Variants in NXPH1 observed in about 807,000 individuals in gnomAD.
NXPH1 encodes neurexophilin 1.
Under a neutral mutation model 23.7 loss-of-function variants are expected in NXPH1, and 5 were observed. The ratio of observed to expected loss-of-function variants is 0.21; its 90% CI spans 0.11 to 0.44. The LOEUF is 0.44. NXPH1 is among the 20% of genes least tolerant of loss of function. The pLI, the probability that NXPH1 is intolerant of heterozygous loss-of-function variation, is 0.99. For missense variants in NXPH1, 324 were observed against 321.6 expected (o/e 1.01, Z -0.06); for synonymous variants, 144 against 122.2 (o/e 1.18, Z -1.18).
chr7:8,538,545 A>G (rs1818063993), intron 2 of NXPH1, among the ~76,000 whole-genome samples: 1 of 151,922 alleles, frequency 6.6e-6, no homozygotes, highest in Admixed American at 6.6e-5. Context: ...GAGATGTAGT[A>G]AGGATAAAAG....
chr7:8,674,893 C>T (rs1820925088), intron 2 of NXPH1, among the ~76,000 whole-genome samples: 2 of 152,118 alleles, frequency 1.3e-5, no homozygotes, highest in African/African-American at 4.8e-5. Flanking sequence ...GAAACCGAGG[C>T]CAGTATTTCA....
chr7:8,458,803 A>G (rs961429303), intron 2 of NXPH1, among the ~76,000 whole-genome samples: 2 of 152,226 alleles, frequency 1.3e-5, no homozygotes, highest in African/African-American at 4.8e-5. Context: ...CCATAACTTC[A>G]TAGAGTAGGA....
At chr7:8,506,824 C>T (rs899453520) in intron 2 of NXPH1, among the ~76,000 whole-genome samples, 42 of 151,970 alleles carry the variant, frequency 2.8e-4, no homozygotes, top group African/African-American at 8.2e-4. Flanking sequence ...TGAACAAATG[C>T]TAGGGTAGCT....
intron 2 of NXPH1, among the ~76,000 whole-genome samples, chr7:8,721,124 T>G (rs60258870): frequency 0.15 from 23,348 of 152,182 alleles, 2,259 homozygotes; most frequent in East Asian, 0.34. Flanking sequence ...ATAGTTCTAC[T>G]GTGGTTACAT....
chr7:8,493,169 C>T (rs1563326475), intron 2 of NXPH1, among the ~76,000 whole-genome samples: 1 of 151,812 alleles, frequency 6.6e-6, no homozygotes, highest in Non-Finnish European at 1.5e-5. Context: ...TTGCCATTGC[C>T]AGGGTTATAT....
intron 2 of NXPH1, among the ~76,000 whole-genome samples, chr7:8,458,320 C>A (rs888179855): frequency 2.0e-5 from 3 of 152,182 alleles, no homozygotes; most frequent in Non-Finnish European, 2.9e-5. Context: ...GGGAAGGAAA[C>A]AACCCACAGA....
intron 2 of NXPH1, among the ~76,000 whole-genome samples, chr7:8,616,124 C>T (rs867830860): frequency 1.3e-5 from 2 of 151,922 alleles, no homozygotes; most frequent in Non-Finnish European, 2.9e-5. Context: ...TTTATAGACC[C>T]CTATGTGATT....
rs112424975 is a variant in NXPH1, at chr7:8,442,553, T to G, written c.54+6786T>G. ...TAGACCCCGTCCTCACACATTGACT[T>G]TAAAAGGCCATTTTCCTTCGTCTTC... is the stretch of plus-strand genomic sequence containing the variant. On this transcript the variant is annotated intron_variant, in intron 2 of 2. Transcript: ENST00000405863. The surrounding 1 kb of genome is among the most constrained non-coding windows in gnomAD (Gnocchi z 4.6). 0.014 allele frequency among the ~76,000 whole-genome samples: 2,130 copies of G among 152,322 alleles called. 20 individuals are homozygous for G. Among genetic ancestry groups the G allele is most frequent in the Non-Finnish European group, 0.024 (1,618 of 68,012 alleles).
chr7:8,570,149 A>G (rs1180373294), intron 2 of NXPH1, among the ~76,000 whole-genome samples: 1 of 151,884 alleles, frequency 6.6e-6, no homozygotes, highest in Non-Finnish European at 1.5e-5. Context: ...ACTTCTCCCC[A>G]TGAATGGTTC....
intron 2 of NXPH1, among the ~76,000 whole-genome samples, chr7:8,737,564 AT>A: frequency 6.6e-6 from 1 of 151,944 alleles, no homozygotes; most frequent in East Asian, 1.9e-4. Context: ...TGCCCTTAAC[AT>A]TTTTTCCTTC....
intron 2 of NXPH1, among the ~76,000 whole-genome samples, chr7:8,502,452 A>G (rs1179020991): frequency 6.6e-6 from 1 of 151,932 alleles, no homozygotes; most frequent in South Asian, 2.1e-4. Flanking sequence ...GCTGTCTTGC[A>G]CTCAAGGAAT....
At chr7:8,602,707 A>T (rs1205491641) in intron 2 of NXPH1, among the ~76,000 whole-genome samples, 1 of 152,110 alleles carries the variant, frequency 6.6e-6, no homozygotes, top group African/African-American at 2.4e-5. Context: ...GTGAAGACTC[A>T]TTTACTGTCA....
chr7:8,452,264 G>T (rs1410650038), intron 2 of NXPH1, among the ~76,000 whole-genome samples: 4 of 152,104 alleles, frequency 2.6e-5, no homozygotes, highest in Non-Finnish European at 4.4e-5. Flanking sequence ...TCCAATAACC[G>T]AATCCAAGTT....
At chr7:8,545,409 A>G (rs1818184190) in intron 2 of NXPH1, among the ~76,000 whole-genome samples, 1 of 151,528 alleles carries the variant, frequency 6.6e-6, no homozygotes, top group South Asian at 2.1e-4. Context: ...GAAAAATAGT[A>G]TTAGAAAAAT....
At chr7:8,642,603 T>C (rs78545675) in intron 2 of NXPH1, among the ~76,000 whole-genome samples, 7,013 of 152,286 alleles carry the variant, frequency 0.046, 368 homozygotes, top group East Asian at 0.17. Flanking sequence ...GTCTGGATTT[T>C]GTTATTCTAA....
intron 2 of NXPH1, among the ~76,000 whole-genome samples, chr7:8,470,878 T>G (rs753556510): frequency 1.3e-5 from 2 of 152,162 alleles, no homozygotes; most frequent in Non-Finnish European, 2.9e-5. Context: ...TGATTTTTTT[T>G]TTTAAGAAGA....
intron 2 of NXPH1, among the ~76,000 whole-genome samples, chr7:8,535,964 G>A (rs577306268): frequency 6.6e-6 from 1 of 151,978 alleles, no homozygotes; most frequent in Admixed American, 6.6e-5. Context: ...AGGTGATTGT[G>A]GTAACTCCTG....
At chr7:8,657,603 T>C (rs1260310691) in intron 2 of NXPH1, among the ~76,000 whole-genome samples, 4 of 152,200 alleles carry the variant, frequency 2.6e-5, no homozygotes, top group African/African-American at 9.6e-5. Context: ...GACAGCAGCC[T>C]GGAGTATAAG....
chr7:8,478,872 G>A (rs935124203), intron 2 of NXPH1, among the ~76,000 whole-genome samples: 1 of 151,980 alleles, frequency 6.6e-6, no homozygotes, highest in Non-Finnish European at 1.5e-5. Flanking sequence ...GAAAATATGA[G>A]CCAAAGATTT....
Sources: gnomAD v4.1 joint callset for allele counts (sites outside exome capture counted in the v4.1 genomes callset) on GRCh38, gnomAD v4.1.1 for gene constraint, Gnocchi (gnomAD v3.1) non-coding constraint, MANE v1.5 for transcripts, NCBI Gene and HGNC (gene_info 2026-07-23, HGNC 2026-07-21) for gene names.